Variants in RNASE10 observed in about 807,000 individuals in gnomAD.
The protein encoded by RNASE10 is inactive ribonuclease-like protein 10.
RNASE10 carries 2 observed loss-of-function variants against 1.1 expected under a neutral mutation model. The observed-to-expected ratio is 1.82, with a 90% CI of 0.74 to 5.73. The LOEUF is 5.73. Ranked by LOEUF, RNASE10 falls within the 30% of genes most tolerant of loss-of-function variation. The probability of loss-of-function intolerance (pLI) is 0.05; values close to 1 mark genes in which losing one functional copy is unlikely to be tolerated. For synonymous variants in RNASE10, 97 were observed against 96.2 expected, an observed-to-expected ratio of 1.01 and a Z score of -0.05; for missense variants, 276 against 263.4, an observed-to-expected ratio of 1.05 and a Z score of -0.33.
At chr14:20,510,901 G>T in exon 2 of RNASE10, 2 of 1,614,118 alleles carry the variant, frequency 1.2e-6, no homozygotes, top group Non-Finnish European at 1.7e-6. Context: ...CATCCATGAG[G>T]ATCTAAACAC....
At position 20,511,076 on chromosome 14, in the gene RNASE10, T is replaced by C; in HGVS notation, c.689T>C (p.Ile230Thr). 3 of 1,518,450 alleles carry C rather than the reference T, an allele frequency of 2.0e-6. No homozygotes were observed. In the South Asian group the frequency reaches 4.0e-5, roughly 20 times the overall value. 94.1% of individuals were successfully genotyped at this position (1,518,450 alleles called of 1,614,324 possible). Residue 230 changes from isoleucine to threonine, a missense_variant, in exon 2 of 2, where the codon ATT becomes ACT. Ile to Thr is a moderately conservative substitution (Grantham distance 89). Transcript: ENST00000430083. ...ACTTCTGTTATAAAAAAGCACATTA[T>C]TATAACCTGTAATGACATGAAGCGC...
intron 1 of RNASE10, among the ~76,000 whole-genome samples, 184 bp downstream of exon 1, chr14:20,506,203 CCCGGCCAGCCGCCCCGT>C: frequency 7.4e-6 from 1 of 135,116 alleles, no homozygotes; most frequent in Non-Finnish European, 1.7e-5. Context: ...CAGCCCCCCG[CCCGGCCAGCCGCCCCGT>C]CCGGGAGGTG....
downstream of RNASE10, among the ~76,000 whole-genome samples, chr14:20,513,357 G>A (rs9788466): frequency 9.2e-5 from 14 of 152,246 alleles, no homozygotes; most frequent in East Asian, 2.7e-3. Context: ...ACAAGGCATT[G>A]TGGGGACCTC....
exon 2 of RNASE10, chr14:20,510,915 C>T (rs1357725641): frequency 1.2e-6 from 2 of 1,613,898 alleles, no homozygotes; most frequent in Non-Finnish European, 1.7e-6. Context: ...TAAACACAGT[C>T]AAAGCTGTCT....
intron 1 of RNASE10, among the ~76,000 whole-genome samples, chr14:20,510,124 GAA>G (rs756992868): frequency 0.033 from 3,627 of 109,728 alleles, 52 homozygotes; most frequent in South Asian, 0.058. Flanking sequence ...GTCTCAAAAG[GAA>G]AAAAAAAAAA....
chr14:20,512,538 C>T (rs1350676897), downstream of RNASE10, among the ~76,000 whole-genome samples: 1 of 152,240 alleles, frequency 6.6e-6, no homozygotes, highest in Non-Finnish European at 1.5e-5. Context: ...GTTTGCTTTA[C>T]TCTGACCTGG....
At chr14:20,512,059 GAGAGAA>G (rs112774722), downstream of RNASE10, among the ~76,000 whole-genome samples, 7 of 152,310 alleles carry the variant, frequency 4.6e-5, no homozygotes, top group South Asian at 2.1e-4. Context: ...GAGAGGAAAA[GAGAGAA>G]AGAGAAAGAG....
intron 1 of RNASE10, among the ~76,000 whole-genome samples, chr14:20,506,744 C>T (rs1882738697): frequency 1.5e-5 from 2 of 131,120 alleles, no homozygotes; most frequent in African/African-American, 2.9e-5. Flanking sequence ...CGGCCAGCCG[C>T]CCCGTCCGGG....
chr14:20,506,640 C>G (rs1252788344), intron 1 of RNASE10, among the ~76,000 whole-genome samples: 1 of 106,142 alleles, frequency 9.4e-6, no homozygotes, highest in Non-Finnish European at 1.9e-5. Flanking sequence ...CCCCGCCTGG[C>G]CAGCCGCCCA....
At chr14:20,507,411 G>T in intron 1 of RNASE10, among the ~76,000 whole-genome samples, 1 of 133,442 alleles carries the variant, frequency 7.5e-6, no homozygotes, top group Non-Finnish European at 1.6e-5. Context: ...GATGCTTGAA[G>T]GCAGCATGCT....
chr14:20,505,044 C>T (rs146398788), upstream of RNASE10, among the ~76,000 whole-genome samples: 134 of 152,042 alleles, frequency 8.8e-4, 1 homozygote, highest in African/African-American at 3.1e-3. Context: ...CTCTGGCAAA[C>T]CTCACTGAAT....
At chr14:20,508,350 T>G (rs540840211) in intron 1 of RNASE10, among the ~76,000 whole-genome samples, 6 of 152,116 alleles carry the variant, frequency 3.9e-5, no homozygotes, top group Non-Finnish European at 7.4e-5. Flanking sequence ...AATAAACAAT[T>G]CATAATTTAA....
chr14:20,509,953 CA>C (rs375096247), intron 1 of RNASE10, among the ~76,000 whole-genome samples: 40 of 121,540 alleles, frequency 3.3e-4, no homozygotes, highest in Admixed American at 5.1e-4. Context: ...AGACTCGTCT[CA>C]AAAAAAAAAA....
downstream of RNASE10, among the ~76,000 whole-genome samples, chr14:20,511,946 C>CTAT (rs1882909574): frequency 6.6e-6 from 1 of 151,908 alleles, no homozygotes; most frequent in African/African-American, 2.4e-5. Context: ...ATCACTTATG[C>CTAT]TATGTTGGTC....
At chr14:20,506,776 C>A in intron 1 of RNASE10, among the ~76,000 whole-genome samples, 1 of 133,100 alleles carries the variant, frequency 7.5e-6, no homozygotes, top group Non-Finnish European at 1.6e-5. Flanking sequence ...GGGGGTCAGC[C>A]CCCCGCCCGG....
chr14:20,513,495 T>C (rs1882946074), downstream of RNASE10, among the ~76,000 whole-genome samples: 1 of 152,218 alleles, frequency 6.6e-6, no homozygotes, highest in Non-Finnish European at 1.5e-5. Flanking sequence ...TGAGCCCATA[T>C]GACAGATCCC....
At chr14:20,506,600 C>T (rs1238721100) in intron 1 of RNASE10, among the ~76,000 whole-genome samples, 1 of 109,134 alleles carries the variant, frequency 9.2e-6, no homozygotes. Context: ...GCCAGCCGCC[C>T]AGTCCGGGAG....
At chr14:20,510,729 C>T (rs75463308) in exon 2 of RNASE10, 111 of 1,614,036 alleles carry the variant, frequency 6.9e-5, no homozygotes, top group Non-Finnish European at 3.6e-5. Context: ...ATCCCATCCT[C>T]GGTGAAGATG....
At chr14:20,510,676 G>C (rs201207144) in exon 2 of RNASE10, 4 of 1,614,102 alleles carry the variant, frequency 2.5e-6, no homozygotes, top group Non-Finnish European at 1.7e-6. Context: ...AGAAACGCTG[G>C]TGCTTAGCAA....
Sources: allele counts gnomAD v4.1 joint callset (sites outside exome capture counted in the v4.1 genomes callset), GRCh38; gene constraint gnomAD v4.1.1; transcripts MANE v1.5; gene names NCBI Gene and HGNC (gene_info 2026-07-23, HGNC 2026-07-21).